MYO3A: variants seen among roughly 807,000 people sequenced by gnomAD.
MYO3A encodes myosin IIIA, also known as myosin-IIIa.
In MYO3A, 180 loss-of-function variants were observed where a neutral mutation model predicts 192.7. The observed-to-expected ratio is 0.93, with a 90% CI of 0.83 to 1.06. The LOEUF (loss-of-function observed/expected upper bound fraction) is 1.06. Among genes scored for constraint, MYO3A ranks in the 50% least tolerant of loss-of-function variants. MYO3A has a pLI of 0.00. For missense variants in MYO3A, 1,896 were observed against 1,905.0 expected, an observed-to-expected ratio of 1.00 and a Z score of 0.09; for synonymous variants, 628 against 645.3, an observed-to-expected ratio of 0.97 and a Z score of 0.41.
At chr10:26,138,994 G>A (rs989022513) in intron 20 of MYO3A, among the ~76,000 whole-genome samples, 8 of 152,096 alleles carry the variant, frequency 5.3e-5, no homozygotes, top group African/African-American at 1.7e-4. Flanking sequence ...TTCACAAATC[G>A]TCAGCAACAT....
chr10:25,951,849 G>A (rs1837226877), intron 2 of MYO3A, among the ~76,000 whole-genome samples: 2 of 152,092 alleles, frequency 1.3e-5, no homozygotes, highest in East Asian at 1.9e-4. Flanking sequence ...AGAATTAACA[G>A]CAATTAATAA....
At chr10:25,976,522 C>T (rs1351294516) in intron 4 of MYO3A, among the ~76,000 whole-genome samples, 2 of 152,132 alleles carry the variant, frequency 1.3e-5, no homozygotes, top group African/African-American at 4.8e-5. Flanking sequence ...CTCCTAAAGA[C>T]AGAATACATT....
intron 10 of MYO3A, among the ~76,000 whole-genome samples, chr10:26,062,961 C>G (rs1402629653): frequency 6.6e-6 from 1 of 152,146 alleles, no homozygotes; most frequent in Non-Finnish European, 1.5e-5. Flanking sequence ...TTTGTATTAG[C>G]TCCCATTGAA....
chr10:26,085,347 CTATT>C (rs774321614), intron 14 of MYO3A, among the ~76,000 whole-genome samples: 1 of 151,576 alleles, frequency 6.6e-6, no homozygotes, highest in East Asian at 1.9e-4. Context: ...TTATGTTAGA[CTATT>C]TATTTTGGAG....
intron 9 of MYO3A, among the ~76,000 whole-genome samples, chr10:26,025,105 C>T (rs981054687): frequency 6.6e-6 from 1 of 152,138 alleles, no homozygotes; most frequent in African/African-American, 2.4e-5. Flanking sequence ...ACAATTACTA[C>T]AGATGTCAGA....
chr10:26,197,903 G>A (rs1281580408), intron 32 of MYO3A, among the ~76,000 whole-genome samples: 1 of 152,102 alleles, frequency 6.6e-6, no homozygotes, highest in African/African-American at 2.4e-5. Context: ...TTGTCTACTT[G>A]TCTCCTGTGT....
chr10:26,051,604 A>G (rs1844009429), intron 10 of MYO3A, among the ~76,000 whole-genome samples: 1 of 148,174 alleles, frequency 6.7e-6, no homozygotes, highest in South Asian at 2.1e-4. Flanking sequence ...TATATAAAAC[A>G]TTATATATTA....
chr10:26,163,424 A>G (rs1841578376), intron 26 of MYO3A, among the ~76,000 whole-genome samples: 1 of 152,162 alleles, frequency 6.6e-6, no homozygotes, highest in Non-Finnish European at 1.5e-5. Context: ...GGGGAGTGAC[A>G]GTGGAGGTAA....
chr10:26,193,302 T>A lies in MYO3A; in HGVS notation c.4536T>A (p.Tyr1512Ter). ...LNNPEDSTYYYLLHKSIQEEK... is the reference protein window; with the variant it reads ...LNNPEDSTYY ...ACCCTGAAGACTCCACATACTATTA[T>A]CTACTTCATGTAAGTGGCTCACTCT... Residue 1512 changes from tyrosine to a stop codon, truncating the protein, a stop_gained, in exon 32 of 35, where the codon TAT becomes TAA. Transcript: ENST00000642920. LOFTEE classifies it high-confidence loss of function. 1 of 1,611,176 alleles carries A rather than the reference T, an allele frequency of 6.2e-7. No individual in the cohort carries two copies. Among genetic ancestry groups the A allele is most frequent in the Non-Finnish European group, 8.5e-7 (1 of 1,177,508 alleles).
At chr10:26,021,732 G>A in intron 8 of MYO3A, 84 bp downstream of exon 8, 3 of 1,548,638 alleles carry the variant, frequency 1.9e-6, no homozygotes, top group Non-Finnish European at 2.7e-6. Context: ...TCTTCATGGA[G>A]ACGTTCAGAT....
intron 21 of MYO3A, among the ~76,000 whole-genome samples, 163 bp downstream of exon 21, chr10:26,143,764 G>A (rs1840301477): frequency 6.6e-6 from 1 of 152,206 alleles, no homozygotes; most frequent in Non-Finnish European, 1.5e-5. Flanking sequence ...CTGGACCAGT[G>A]CATGTTTATG....
intron 25 of MYO3A, among the ~76,000 whole-genome samples, chr10:26,156,493 T>C (rs1841124518): frequency 6.6e-6 from 1 of 152,226 alleles, no homozygotes; most frequent in South Asian, 2.1e-4. Flanking sequence ...GGTATTGCTA[T>C]AGAACACAGT....
At chr10:25,998,710 A>G (rs1024155211) in intron 6 of MYO3A, among the ~76,000 whole-genome samples, 1 of 152,268 alleles carries the variant, frequency 6.6e-6, no homozygotes. Flanking sequence ...AAATAGATAC[A>G]GTAAGTATAG....
chr10:26,038,380 G>A lies in MYO3A; in HGVS notation c.953+11848G>A, dbSNP rs2368119. 2.8e-4 allele frequency among the ~76,000 whole-genome samples: 43 copies of A among 152,076 alleles called. No individual in the cohort carries two copies. In the South Asian group the frequency reaches 4.8e-3, roughly 17 times the overall value. On this transcript the variant is annotated intron_variant, in intron 10 of 34. Coordinates refer to ENST00000642920, the MANE Select transcript of MYO3A (RefSeq NM_017433.5). The stretch of plus-strand genomic sequence containing the variant: ...TTTTGGTGTCCCCTTCAATTTCTTG[G>A]ATCAGTTATGTAGTTTTCATTGTAG...
chr10:26,113,531 T>G (rs953130391), intron 17 of MYO3A, among the ~76,000 whole-genome samples: 1 of 151,742 alleles, frequency 6.6e-6, no homozygotes, highest in Non-Finnish European at 1.5e-5. Flanking sequence ...GGTGTGTGTA[T>G]TCCATTTGGT....
At chr10:26,069,266 T>C (rs1285699430) in intron 12 of MYO3A, among the ~76,000 whole-genome samples, 1 of 152,120 alleles carries the variant, frequency 6.6e-6, no homozygotes, top group African/African-American at 2.4e-5. Flanking sequence ...ATTGTTTATG[T>C]AGATAATACA....
chr10:26,112,536 C>G (rs1838253251), intron 17 of MYO3A, among the ~76,000 whole-genome samples: 2 of 152,220 alleles, frequency 1.3e-5, no homozygotes, highest in African/African-American at 4.8e-5. Context: ...CTGACATCCT[C>G]TAAGCACAGC....
intron 26 of MYO3A, among the ~76,000 whole-genome samples, chr10:26,164,896 C>T (rs938820089): frequency 2.0e-5 from 3 of 152,094 alleles, no homozygotes; most frequent in African/African-American, 7.2e-5. Flanking sequence ...TGCAGAGTCG[C>T]CGCTACTGGG....
chr10:26,072,542 G>C (rs1393518771), intron 14 of MYO3A, among the ~76,000 whole-genome samples: 1 of 152,094 alleles, frequency 6.6e-6, no homozygotes, highest in African/African-American at 2.4e-5. Context: ...GATGAATGTG[G>C]GGTCTGCATC....
Sources: gnomAD v4.1 joint callset for allele counts (sites outside exome capture counted in the v4.1 genomes callset) on GRCh38, gnomAD v4.1.1 for gene constraint, MANE v1.5 for transcripts, NCBI Gene and HGNC (gene_info 2026-07-23, HGNC 2026-07-21) for gene names.